Variants in SLC25A21 observed in about 807,000 individuals in gnomAD.
SLC25A21 encodes the protein solute carrier family 25 member 21.
A neutral mutation model predicts 43.8 loss-of-function variants in SLC25A21; 47 were observed. The ratio of observed to expected loss-of-function variants is 1.07; its 90% CI spans 0.85 to 1.37. The LOEUF (loss-of-function observed/expected upper bound fraction) is 1.37. Among genes scored for constraint, SLC25A21 ranks in the 40% most tolerant of loss-of-function variants. The probability of loss-of-function intolerance (pLI) is 0.00; values close to 1 mark genes in which losing one functional copy is unlikely to be tolerated. For missense variants in SLC25A21, 352 were observed against 350.2 expected, an observed-to-expected ratio of 1.00 and a Z score of -0.04; for synonymous variants, 131 against 121.3, an observed-to-expected ratio of 1.08 and a Z score of -0.52.
chr14:37,163,721 A>T (rs1315126108), intron 1 of SLC25A21, among the ~76,000 whole-genome samples: 1 of 152,168 alleles, frequency 6.6e-6, no homozygotes, highest in African/African-American at 2.4e-5. Flanking sequence ...AAAGTGGGTT[A>T]AAGTGTATAA....
chr14:37,134,619 G>A (rs531672494), intron 1 of SLC25A21, among the ~76,000 whole-genome samples: 5 of 147,492 alleles, frequency 3.4e-5, no homozygotes, highest in South Asian at 2.2e-4. Context: ...CACTCTAGCC[G>A]CCTGGGTCAC....
intron 1 of SLC25A21, among the ~76,000 whole-genome samples, chr14:37,115,201 G>T (rs1205671260): frequency 6.6e-6 from 1 of 152,126 alleles, no homozygotes; most frequent in African/African-American, 2.4e-5. Flanking sequence ...AAGAAAGGTG[G>T]CTCTTTACAC....
intron 1 of SLC25A21, among the ~76,000 whole-genome samples, chr14:36,885,312 A>G (rs1053105744): frequency 2.6e-5 from 4 of 152,128 alleles, no homozygotes; most frequent in Admixed American, 1.3e-4. Flanking sequence ...ATTCTGTTCC[A>G]TTGATCAATG....
chr14:36,679,991 A>AAAT lies in SLC25A21; in HGVS notation c.*664_*666dup. On this transcript the variant is annotated 3_prime_UTR_variant, in exon 10 of 10. Transcript: ENST00000331299. ...ACATTCTGTTTTAAACAATGTTTTA[A>AAAT]AATACCTATTTATTATCTTACAGCA... 2 of 839,896 alleles carry AAAT rather than the reference A, an allele frequency of 2.4e-6. No homozygotes were observed. The highest frequency in any genetic ancestry group is 2.8e-6 in the Non-Finnish European group (2 of 716,598). 52.0% of individuals were successfully genotyped at this position (839,896 alleles called of 1,614,324 possible). A position where few individuals can be genotyped will look rare whatever the true frequency, so the allele number is the denominator to read the frequency against.
intron 1 of SLC25A21, among the ~76,000 whole-genome samples, chr14:37,002,554 A>G (rs996985921): frequency 6.6e-6 from 1 of 152,162 alleles, no homozygotes; most frequent in Non-Finnish European, 1.5e-5. Flanking sequence ...TGAGCAAGTG[A>G]GTCAATTCCT....
chr14:36,997,631 C>A (rs1566801813), intron 1 of SLC25A21, among the ~76,000 whole-genome samples: 2 of 152,018 alleles, frequency 1.3e-5, no homozygotes, highest in Non-Finnish European at 2.9e-5. Flanking sequence ...GAGTTCAAGA[C>A]CAGCCTGTTC....
At chr14:36,941,541 T>C (rs1191957849) in intron 1 of SLC25A21, among the ~76,000 whole-genome samples, 1 of 152,034 alleles carries the variant, frequency 6.6e-6, no homozygotes, top group African/African-American at 2.4e-5. Context: ...CACATTAATT[T>C]GCATTTTAAC....
intron 1 of SLC25A21, among the ~76,000 whole-genome samples, chr14:37,136,548 A>G (rs937725268): frequency 6.6e-6 from 1 of 152,212 alleles, no homozygotes; most frequent in African/African-American, 2.4e-5. Flanking sequence ...ACTCCCAGGT[A>G]TTCACCCAAA....
At chr14:37,141,234 A>C (rs541520702) in intron 1 of SLC25A21, among the ~76,000 whole-genome samples, 3 of 152,330 alleles carry the variant, frequency 2.0e-5, no homozygotes, top group Admixed American at 6.5e-5. Context: ...TAATTAATAC[A>C]ACTGAGCAAC....
intron 3 of SLC25A21, among the ~76,000 whole-genome samples, chr14:36,796,966 T>C (rs1404788721): frequency 1.3e-5 from 2 of 152,296 alleles, no homozygotes; most frequent in African/African-American, 4.8e-5. Flanking sequence ...GCTTACTTTT[T>C]TCCTTCTATC....
At chr14:36,887,328 C>G (rs200174316) in intron 1 of SLC25A21, among the ~76,000 whole-genome samples, 2 of 151,660 alleles carry the variant, frequency 1.3e-5, no homozygotes, top group African/African-American at 4.8e-5. Context: ...CTTGGGAGGC[C>G]GAGATGGGCA....
intron 1 of SLC25A21, among the ~76,000 whole-genome samples, chr14:36,960,510 C>T (rs1418611469): frequency 1.3e-5 from 2 of 151,940 alleles, no homozygotes; most frequent in African/African-American, 2.4e-5. Context: ...TTCTCAAGGA[C>T]GCCTTTTTCA....
At chr14:36,747,440 A>C (rs1395715090) in intron 3 of SLC25A21, among the ~76,000 whole-genome samples, 2 of 152,150 alleles carry the variant, frequency 1.3e-5, no homozygotes, top group Non-Finnish European at 2.9e-5. Flanking sequence ...TATGGAAATG[A>C]ATTAGTACAT....
At chr14:36,719,500 T>A (rs1884290241) in intron 6 of SLC25A21, among the ~76,000 whole-genome samples, 1 of 152,194 alleles carries the variant, frequency 6.6e-6, no homozygotes, top group Non-Finnish European at 1.5e-5. Context: ...AACCAGAGCA[T>A]GACAAAGCTA....
intron 1 of SLC25A21, among the ~76,000 whole-genome samples, chr14:37,060,066 TAAAATCCTAGCCCCTTTAAAAAA>T (rs1468186543): frequency 6.6e-6 from 1 of 152,052 alleles, no homozygotes; most frequent in African/African-American, 2.4e-5. Flanking sequence ...AAATTCATGT[TAAAATCCTAGCCCCTTTAAAAAA>T]AAAATCCTAG....
chr14:37,147,829 T>A lies in SLC25A21; in HGVS notation c.70+24452A>T, dbSNP rs1049438951. On this transcript the variant is annotated intron_variant, in intron 1 of 9. Coordinates refer to ENST00000331299, the MANE Select transcript of SLC25A21 (RefSeq NM_030631.4). ...ACACATGGTAACTATATTTCCTTTT[T>A]CTTTTTTTTCTTTTCTTTTTTTTTT... Among the ~76,000 whole-genome samples, 12 of 99,368 alleles carry A rather than the reference T, an allele frequency of 1.2e-4. 1 individual carries two copies. The highest frequency in any genetic ancestry group is 3.4e-4 in the African/African-American group (11 of 32,658). 65.2% of individuals were successfully genotyped at this position (99,368 alleles called of 152,430 possible).
rs977217233 is a variant in SLC25A21, at chr14:36,941,121, C to G, written c.71-66117G>C. On this transcript the variant is annotated intron_variant, in intron 1 of 9. Coordinates refer to ENST00000331299, the MANE Select transcript of SLC25A21 (RefSeq NM_030631.4). The stretch of plus-strand genomic sequence containing the variant: ...ACTCAAGCTTTACTCAAAATATTGA[C>G]ACTATTTAGTATCAAACCAAACTCC... Among the ~76,000 whole-genome samples the G allele has an allele frequency of 2.6e-5, 4 of 152,028 alleles. No homozygotes were observed. In the East Asian group the frequency reaches 7.7e-4, roughly 29 times the overall value.
At chr14:36,796,735 A>C (rs1887688002) in intron 3 of SLC25A21, among the ~76,000 whole-genome samples, 1 of 152,160 alleles carries the variant, frequency 6.6e-6, no homozygotes, top group African/African-American at 2.4e-5. Flanking sequence ...CACTGTCACA[A>C]AAACCTGCCA....
chr14:36,979,087 C>CA (rs956449715), intron 1 of SLC25A21, among the ~76,000 whole-genome samples: 15 of 151,426 alleles, frequency 9.9e-5, no homozygotes, highest in African/African-American at 3.1e-4. Flanking sequence ...GACCCTGTAT[C>CA]AAAAAAAACA....
Sources: allele counts gnomAD v4.1 joint callset (sites outside exome capture counted in the v4.1 genomes callset), GRCh38; gene constraint gnomAD v4.1.1; transcripts MANE v1.5; gene names NCBI Gene and HGNC (gene_info 2026-07-23, HGNC 2026-07-21).